PCSK5: variants seen among roughly 807,000 people sequenced by gnomAD.
PCSK5 encodes prohormone convertase 5.
In PCSK5, 129 loss-of-function variants were observed where a neutral mutation model predicts 233.2. That is an observed-to-expected ratio of 0.55 (90% CI 0.48 to 0.64). PCSK5 has a LOEUF of 0.64. Ranked by LOEUF, PCSK5 falls within the 30% of genes least tolerant of loss-of-function variation. PCSK5 has a pLI of 0.00. For synonymous variants in PCSK5, 825 were observed against 879.2 expected (o/e 0.94, Z 1.09); for missense variants, 2,076 against 2,430.1 (o/e 0.85, Z 3.06).
chr9:76,341,221 C>A (rs1829826757), intron 35 of PCSK5, among the ~76,000 whole-genome samples: 1 of 130,216 alleles, frequency 7.7e-6, no homozygotes. Context: ...TGAGACCATG[C>A]CTCAAAAACA....
intron 8 of PCSK5, among the ~76,000 whole-genome samples, chr9:76,096,691 T>C (rs1831530558): frequency 6.7e-6 from 1 of 149,806 alleles, no homozygotes; most frequent in Non-Finnish European, 1.5e-5. Context: ...AACCTCCACC[T>C]TGCAGATTCA....
intron 1 of PCSK5, among the ~76,000 whole-genome samples, chr9:75,923,744 C>T (rs1453049909): frequency 6.6e-6 from 1 of 152,112 alleles, no homozygotes; most frequent in African/African-American, 2.4e-5. Context: ...GAATTCCTAA[C>T]CTAAAATTGA....
At chr9:76,043,569 G>A (rs1302310759) in intron 5 of PCSK5, among the ~76,000 whole-genome samples, 1 of 151,964 alleles carries the variant, frequency 6.6e-6, no homozygotes, top group East Asian at 1.9e-4. Context: ...GTCACGTGCT[G>A]GCCTTGCTTA....
chr9:76,320,824 T>G (rs1390917106), intron 30 of PCSK5, among the ~76,000 whole-genome samples: 1 of 150,702 alleles, frequency 6.6e-6, no homozygotes, highest in Non-Finnish European at 1.5e-5. Flanking sequence ...GGTTTTGTTT[T>G]TTTTTTTTTA....
intron 5 of PCSK5, among the ~76,000 whole-genome samples, chr9:76,031,074 C>G (rs1828635617): frequency 6.6e-6 from 1 of 152,164 alleles, no homozygotes; most frequent in South Asian, 2.1e-4. Context: ...ATAGATTTAC[C>G]TTTAGCTCCT....
rs371613369 is a variant in PCSK5, at chr9:75,945,005, A to G, written c.297+12522A>G. Reference sequence around the variant, plus strand: ...ATGCCTGTAATCCCAACTACTCGGGAGGCTGAGGCAGGAGAATTGCTTGAA... The same window carrying G: ...ATGCCTGTAATCCCAACTACTCGGGGGGCTGAGGCAGGAGAATTGCTTGAA... On this transcript the variant is annotated intron_variant, in intron 2 of 37. Coordinates refer to ENST00000674117, the MANE Select transcript of PCSK5 (RefSeq NM_001372043.1). Among the ~76,000 whole-genome samples the G allele has an allele frequency of 4.6e-5, 7 of 152,088 alleles. No homozygotes were observed. The East Asian group carries it at 7.8e-4, about 17-fold the overall frequency.
intron 10 of PCSK5, among the ~76,000 whole-genome samples, chr9:76,142,708 T>C (rs1406004763): frequency 6.6e-6 from 1 of 152,196 alleles, no homozygotes; most frequent in African/African-American, 2.4e-5. Flanking sequence ...CAGATGTAGA[T>C]GTATATAGAG....
chr9:76,095,238 TAGAA>T (rs750755807), intron 7 of PCSK5, among the ~76,000 whole-genome samples: 11 of 152,200 alleles, frequency 7.2e-5, no homozygotes, highest in Admixed American at 2.0e-4. Flanking sequence ...ATCAGTTCTA[TAGAA>T]AGAAGTACAC....
At chr9:76,097,606 T>G (rs1831591278) in intron 8 of PCSK5, among the ~76,000 whole-genome samples, 1 of 152,232 alleles carries the variant, frequency 6.6e-6, no homozygotes, top group Admixed American at 6.5e-5. Flanking sequence ...TGCGTGAGTT[T>G]CTTTCACTCT....
At chr9:76,317,048 A>C (rs1829053191) in intron 30 of PCSK5, among the ~76,000 whole-genome samples, 1 of 152,050 alleles carries the variant, frequency 6.6e-6, no homozygotes, top group African/African-American at 2.4e-5. Context: ...TTTCTTCTCC[A>C]ATTTTTCTTA....
In PCSK5 at chr9:75,891,132, T is replaced by C. The variant is rs1825575625; in HGVS notation, c.-50T>C. 2.9e-6 allele frequency: 4 copies of C among 1,403,154 alleles called. No individual in the cohort carries two copies. Among genetic ancestry groups the C allele is most frequent in the African/African-American group, 1.5e-5 (1 of 66,260 alleles). 86.9% of individuals were successfully genotyped at this position (1,403,154 alleles called of 1,614,324 possible). ...CGGAGAAGTTAGTTGTGCGCGCCCTTAGTGCGCGGAACCAGCCAGCGAGCG... is the reference window on the plus strand; with the variant it reads ...CGGAGAAGTTAGTTGTGCGCGCCCTCAGTGCGCGGAACCAGCCAGCGAGCG... On this transcript the variant is annotated 5_prime_UTR_variant, in exon 1 of 38. Coordinates refer to ENST00000674117, the MANE Select transcript of PCSK5 (RefSeq NM_001372043.1).
At chr9:76,244,086 T>C (rs1826509069) in intron 24 of PCSK5, among the ~76,000 whole-genome samples, 1 of 152,016 alleles carries the variant, frequency 6.6e-6, no homozygotes. Flanking sequence ...ACTAGCCAAG[T>C]GTGATGGCAT....
At chr9:76,088,661 C>T (rs17720049) in intron 7 of PCSK5, among the ~76,000 whole-genome samples, 36,954 of 152,046 alleles carry the variant, frequency 0.24, 5,011 homozygotes, top group Non-Finnish European at 0.31. Flanking sequence ...CCATCTTACT[C>T]GGATGAACTG....
chr9:76,328,399 G>A (rs1186487657), intron 33 of PCSK5, among the ~76,000 whole-genome samples, 160 bp downstream of exon 33: 1 of 152,186 alleles, frequency 6.6e-6, no homozygotes, highest in East Asian at 1.9e-4. Flanking sequence ...AGTAAGAACT[G>A]TACAAAGAAC....
At chr9:76,075,220 A>G (rs2131609410) in intron 7 of PCSK5, among the ~76,000 whole-genome samples, 1 of 147,886 alleles carries the variant, frequency 6.8e-6, no homozygotes, top group East Asian at 1.9e-4. Flanking sequence ...ACTCCGTCTC[A>G]ATAAAATAAT....
rs1830421760 is a variant in PCSK5, at chr9:76,360,962, CT to C, written c.*2041del. Reference sequence around the variant, plus strand: ...TGGTGGGTCAGATTTGGCCAACAGGCTGTACTTTGCTGACTTTATCTTTAAA... The same window carrying C: ...TGGTGGGTCAGATTTGGCCAACAGGCGTACTTTGCTGACTTTATCTTTAAA... On this transcript the variant is annotated 3_prime_UTR_variant, in exon 38 of 38. Transcript: ENST00000674117. The C allele has an allele frequency of 6.6e-6, 1 of 152,236 alleles. No individual in the cohort carries two copies. Among genetic ancestry groups the C allele is most frequent in the African/African-American group, 2.4e-5 (1 of 41,524 alleles). 9.4% of individuals were successfully genotyped at this position (152,236 alleles called of 1,614,324 possible). A position where few individuals can be genotyped will look rare whatever the true frequency, so the allele number is the denominator to read the frequency against.
Position 76,067,946 on chromosome 9 carries a change from T to C in PCSK5, c.633-9T>C, listed in dbSNP as rs533018890. 6 of 1,611,150 alleles carry C rather than the reference T, an allele frequency of 3.7e-6. No homozygotes were observed. The African/African-American group carries it at 8.0e-5, about 21-fold the overall frequency. On this transcript the variant is annotated splice_polypyrimidine_tract_variant and intron_variant, in intron 5 of 37. Coordinates refer to ENST00000674117, the MANE Select transcript of PCSK5 (RefSeq NM_001372043.1). The stretch of plus-strand genomic sequence containing the variant: ...CTTACTTGAGAAAGTGTGTGTGTTC[T>C]GCCTGCAGGCATGGGACTCGCTGTG...
At chr9:76,258,672 C>T (rs1827059471) in intron 24 of PCSK5, among the ~76,000 whole-genome samples, 1 of 152,138 alleles carries the variant, frequency 6.6e-6, no homozygotes, top group Admixed American at 6.5e-5. Context: ...ATATTTAAGG[C>T]TGTAAAAATT....
rs1267739135 is a variant in PCSK5 at position 76,188,654 on chromosome 9, C to T, written c.2359C>T (p.Arg787Cys). 2.5e-6 allele frequency: 4 copies of T among 1,613,030 alleles called. No individual in the cohort carries two copies. The highest frequency in any genetic ancestry group is 3.3e-5 in the Admixed American group (2 of 59,990). ...FNGQDCQPCH[R>C]FCATCAGAGA... ...CGGCCAGGACTGCCAGCCCTGCCAC[C>T]GCTTCTGCGCCACTTGTGCTGGTAC... The change falls in exon 18 of 38, where the codon CGC becomes TGC. Residue 787 changes from arginine to cysteine, a missense_variant. Transcript: ENST00000674117.
Sources: gnomAD v4.1 joint callset for allele counts (sites outside exome capture counted in the v4.1 genomes callset) on GRCh38, gnomAD v4.1.1 for gene constraint, MANE v1.5 for transcripts, NCBI Gene and HGNC (gene_info 2026-07-23, HGNC 2026-07-21) for gene names.